KIAA0825: variants seen among roughly 807,000 people sequenced by gnomAD.
KIAA0825 encodes the protein uncharacterized protein KIAA0825.
A neutral mutation model predicts 147.6 loss-of-function variants in KIAA0825; 119 were observed. The observed-to-expected ratio is 0.81, with a 90% confidence interval of 0.69 to 0.94. The LOEUF is 0.94. Among genes scored for constraint, KIAA0825 ranks in the 40% least tolerant of loss-of-function variants. The pLI is 0.00. For missense variants in KIAA0825, 1,381 were observed against 1,472.7 expected (o/e 0.94, Z 1.02); for synonymous variants, 470 against 518.1 (o/e 0.91, Z 1.26).
intron 20 of KIAA0825, among the ~76,000 whole-genome samples, chr5:94,323,572 T>A (rs1343004256): frequency 2.7e-5 from 4 of 150,214 alleles, no homozygotes; most frequent in Admixed American, 1.3e-4. Flanking sequence ...AAAAAAAAAA[T>A]TAATTTGAAA....
intron 20 of KIAA0825, among the ~76,000 whole-genome samples, chr5:94,346,528 C>T (rs1365531552): frequency 6.6e-6 from 1 of 152,072 alleles, no homozygotes; most frequent in Non-Finnish European, 1.5e-5. Flanking sequence ...GAAAAGAAGA[C>T]CCTCCCCTCC....
chr5:94,335,044 C>A (rs1479028498), intron 20 of KIAA0825, among the ~76,000 whole-genome samples: 3 of 152,114 alleles, frequency 2.0e-5, no homozygotes, highest in Non-Finnish European at 2.9e-5. Flanking sequence ...TTTGTCAATT[C>A]TTGAATGAAT....
intron 7 of KIAA0825, 95 bp downstream of exon 7, chr5:94,477,016 G>A: frequency 3.3e-6 from 3 of 906,542 alleles, no homozygotes; most frequent in African/African-American, 1.7e-5. Flanking sequence ...TTGTAGCAAA[G>A]GGTAAAACTC....
intron 2 of KIAA0825, among the ~76,000 whole-genome samples, chr5:94,558,208 G>A (rs1776919677): frequency 6.6e-6 from 1 of 152,176 alleles, no homozygotes; most frequent in Non-Finnish European, 1.5e-5. Flanking sequence ...CATGAGGCTT[G>A]CCACCATCTT....
At chr5:94,507,397 A>G (rs1001376137) in intron 5 of KIAA0825, among the ~76,000 whole-genome samples, 1 of 152,134 alleles carries the variant, frequency 6.6e-6, no homozygotes, top group Non-Finnish European at 1.5e-5. Flanking sequence ...AGGCTGCAGT[A>G]AGCTGAGATT....
chr5:94,349,815 G>A (rs578257250), intron 20 of KIAA0825, among the ~76,000 whole-genome samples: 2 of 152,092 alleles, frequency 1.3e-5, no homozygotes, highest in East Asian at 1.9e-4. Flanking sequence ...AGCCCTAAAC[G>A]CCTACATCAA....
At chr5:94,205,892 T>C (rs1772151868) in intron 20 of KIAA0825, among the ~76,000 whole-genome samples, 1 of 152,176 alleles carries the variant, frequency 6.6e-6, no homozygotes, top group Non-Finnish European at 1.5e-5. Context: ...TGTTTTAGCA[T>C]TATTTTGTAT....
intron 20 of KIAA0825, among the ~76,000 whole-genome samples, chr5:94,365,293 A>C (rs1477015146): frequency 6.6e-6 from 1 of 152,092 alleles, no homozygotes; most frequent in Admixed American, 6.5e-5. Flanking sequence ...TTGCGTCCTC[A>C]ATTCCCTTGG....
chr5:94,179,486 T>C (rs1769403394), intron 20 of KIAA0825, among the ~76,000 whole-genome samples: 1 of 152,142 alleles, frequency 6.6e-6, no homozygotes, highest in African/African-American at 2.4e-5. Flanking sequence ...TGTTTGGTTT[T>C]GATGTGTGTG....
intron 14 of KIAA0825, among the ~76,000 whole-genome samples, chr5:94,430,403 A>T (rs980638110): frequency 6.6e-6 from 1 of 151,686 alleles, no homozygotes; most frequent in Non-Finnish European, 1.5e-5. Context: ...ATTTCAAAAA[A>T]AATCATCCTC....
chr5:94,335,861 G>A (rs897696001), intron 20 of KIAA0825, among the ~76,000 whole-genome samples: 2 of 152,082 alleles, frequency 1.3e-5, no homozygotes, highest in Non-Finnish European at 2.9e-5. Flanking sequence ...ATTATCACAT[G>A]GCTTTTTAAT....
At chr5:94,160,217 G>A (rs1330594072) in intron 20 of KIAA0825, among the ~76,000 whole-genome samples, 1 of 151,972 alleles carries the variant, frequency 6.6e-6, no homozygotes, top group Non-Finnish European at 1.5e-5. Context: ...CACATATCCA[G>A]TTGTTTTCTC....
chr5:94,581,549 G>A (rs1782180771), intron 2 of KIAA0825, among the ~76,000 whole-genome samples: 1 of 152,136 alleles, frequency 6.6e-6, no homozygotes, highest in Admixed American at 6.5e-5. Flanking sequence ...AAATCAGTCT[G>A]TTATACTCCT....
chr5:94,396,347 T>A lies in KIAA0825; in HGVS notation c.3050A>T (p.Asn1017Ile). ...TATCCGACATATAATTACAATCAAG[T>A]TCCAGACAAGCAGGCCAGCTTTCTT... is the stretch of plus-strand genomic sequence containing the variant. ...ELKKAGLLVW[N>I]LIVIICRIFE... Residue 1017 changes from asparagine to isoleucine, a missense_variant, in exon 17 of 21, where the codon AAC becomes ATC. Asn to Ile is a moderately radical substitution (Grantham distance 149, BLOSUM62 -3). Transcript: ENST00000682413. The A allele has an allele frequency of 6.4e-7, 1 of 1,550,914 alleles. No homozygotes were observed. Among genetic ancestry groups the A allele is most frequent in the Non-Finnish European group, 8.7e-7 (1 of 1,146,746 alleles).
intron 1 of KIAA0825, among the ~76,000 whole-genome samples, chr5:94,589,706 T>C (rs766131794): frequency 8.5e-5 from 13 of 152,164 alleles, no homozygotes; most frequent in South Asian, 2.1e-4. Context: ...GTATTATGTG[T>C]ATAATTTTGG....
At chr5:94,531,334 A>G (rs1770759595) in intron 3 of KIAA0825, among the ~76,000 whole-genome samples, 1 of 152,210 alleles carries the variant, frequency 6.6e-6, no homozygotes, top group South Asian at 2.1e-4. Context: ...AATAGAACTA[A>G]TAATGACAGA....
At chr5:94,421,506 A>C (rs182429332) in intron 14 of KIAA0825, among the ~76,000 whole-genome samples, 1 of 152,208 alleles carries the variant, frequency 6.6e-6, no homozygotes, top group Admixed American at 6.5e-5. Context: ...TCCAGGCTCA[A>C]TGCCTTAGCA....
intron 20 of KIAA0825, among the ~76,000 whole-genome samples, chr5:94,222,845 G>A (rs1409270741): frequency 6.6e-6 from 1 of 151,804 alleles, no homozygotes; most frequent in Admixed American, 6.6e-5. Context: ...CATTTTTATT[G>A]TATATATTTA....
chr5:94,272,106 C>CAAAA (rs70975898), intron 20 of KIAA0825, among the ~76,000 whole-genome samples: 1 of 66,630 alleles, frequency 1.5e-5, no homozygotes, highest in African/African-American at 5.9e-5. Flanking sequence ...TTTGTAGGAG[C>CAAAA]AAAAAAAAAA....
Sources: gnomAD v4.1 joint callset for allele counts (sites outside exome capture counted in the v4.1 genomes callset) on GRCh38, gnomAD v4.1.1 for gene constraint, MANE v1.5 for transcripts, NCBI Gene and HGNC (gene_info 2026-07-23, HGNC 2026-07-21) for gene names.